Variants in FSCB observed in about 807,000 individuals in gnomAD.
The protein encoded by FSCB is fibrous sheath CABYR-binding protein.
For synonymous variants in FSCB, 331 were observed against 336.6 expected (o/e 0.98, Z 0.18); for missense variants, 975 against 934.8 (o/e 1.04, Z -0.56).
Position 44,504,316 on chromosome 14 carries a change from AT to A in FSCB, c.*193del, listed in dbSNP as rs997815734. The A allele has an allele frequency of 4.6e-6, 2 of 434,916 alleles. No homozygotes were observed. Among genetic ancestry groups the A allele is most frequent in the African/African-American group, 4.1e-5 (2 of 49,098 alleles). The allele number at this position is 434,916 out of a possible 1,614,324, so 26.9% of individuals were successfully genotyped here. On this transcript the variant is annotated 3_prime_UTR_variant, in exon 1 of 1. Coordinates refer to ENST00000340446, the MANE Select transcript of FSCB (RefSeq NM_032135.4). ...AAAATAGGTATTTTTCATGCCATAA[AT>A]TTGAATGAAATTAACACAAGTAATT...
rs755030267 is a variant in FSCB, at chr14:44,506,774, A to G, written c.214T>C (p.Ser72Pro). Residue 72 changes from serine (S) to proline (P), a missense_variant, in exon 1 of 1, where the codon TCT becomes CCT. Transcript: ENST00000340446. ...RKHGQEMTSKSLQTDTIVEEK... is the reference protein window; with the variant it reads ...RKHGQEMTSKPLQTDTIVEEK... ...TCTACAATGGTGTCTGTCTGGAGAG[A>G]CTTACTAGTCATTTCCTGTCCATGC... is the stretch of plus-strand genomic sequence containing the variant. The G allele has an allele frequency of 1.2e-6, 2 of 1,614,004 alleles. No homozygotes were observed. The highest frequency in any genetic ancestry group is 2.2e-5 in the East Asian group (1 of 44,866).
At position 44,506,908 on chromosome 14, in the gene FSCB, G is replaced by A; in HGVS notation, c.80C>T (p.Ala27Val). 1 of 1,611,860 alleles carries A rather than the reference G, an allele frequency of 6.2e-7. No individual in the cohort carries two copies. Residue 27 changes from alanine (A) to valine (V), a missense_variant, in exon 1 of 1, where the codon GCT (alanine) becomes GTT (valine). Physicochemically the swap from Ala to Val is moderately conservative, Grantham distance 64. Coordinates refer to ENST00000340446, the MANE Select transcript of FSCB (RefSeq NM_032135.4). ...MAIPKSSSPKATHRIGNTSGS... is the reference protein window; with the variant it reads ...MAIPKSSSPKVTHRIGNTSGS... ...AGAAGTATTACCAATACGATGGGTA[G>A]CTTTGGGGCTAGATGATTTTGGTAT...
Position 44,506,463 on chromosome 14 carries a change from T to C in FSCB, c.525A>G (p.Thr175=). 2 of 1,614,250 alleles carry C rather than the reference T, an allele frequency of 1.2e-6. No homozygotes were observed. The highest frequency in any genetic ancestry group is 1.7e-6 in the Non-Finnish European group (2 of 1,180,048). The part of the protein sequence containing the change: ...VVISRPDSSS[T]KSKEDALKHK... ...GTTTCAGGGCATCTTCCTTTGACTT[T>C]GTAGAAGAACTATCTGGCCTGGAAA... The change falls in exon 1 of 1, where the codon ACA becomes ACG. Residue 175 remains threonine, a synonymous_variant. Coordinates refer to ENST00000340446, the MANE Select transcript of FSCB (RefSeq NM_032135.4).
chr14:44,506,536 A>G lies in FSCB; in HGVS notation c.452T>C (p.Val151Ala). Residue 151 changes from valine to alanine, a missense_variant, in exon 1 of 1, where the codon GTG (valine) becomes GCG (alanine). Transcript: ENST00000340446. The part of the protein sequence containing the change: ...TMMNIPPVEK[V>A]DKEQQTYFSE... ...AAAGTATGTCTGTTGTTCCTTGTCC[A>G]CTTTTTCTACAGGGGGGATGTTCAT... 1.2e-6 allele frequency: 2 copies of G among 1,614,110 alleles called. No individual in the cohort carries two copies. The highest frequency in any genetic ancestry group is 1.7e-6 in the Non-Finnish European group (2 of 1,180,018).
In FSCB at chr14:44,504,709, A is replaced by C. The variant is rs769068782; in HGVS notation, c.2279T>G (p.Phe760Cys). 1.9e-6 allele frequency: 3 copies of C among 1,614,104 alleles called. No homozygotes were observed. Among genetic ancestry groups the C allele is most frequent in the Non-Finnish European group, 1.7e-6 (2 of 1,180,022 alleles). The part of the protein sequence containing the change: ...EALVENVSTE[F>C]QSPQVAGIPA... Reference sequence around the variant, plus strand: ...AATTCCTGCCACCTGCGGTGACTGAAATTCTGTAGACACATTCTCTACCAG... The same window carrying C: ...AATTCCTGCCACCTGCGGTGACTGACATTCTGTAGACACATTCTCTACCAG... The change falls in exon 1 of 1, where the codon TTT becomes TGT. Residue 760 changes from phenylalanine to cysteine, a missense_variant. Phe to Cys is a radical substitution (Grantham distance 205, BLOSUM62 -2). Transcript: ENST00000340446.
At position 44,507,221 on chromosome 14, in the gene FSCB, A is replaced by G; in HGVS notation, c.-234T>C. 2.3e-6 allele frequency: 1 copy of G among 435,444 alleles called. No homozygotes were observed. Among genetic ancestry groups the G allele is most frequent in the Non-Finnish European group, 4.2e-6 (1 of 238,126 alleles). 27.0% of individuals were successfully genotyped at this position (435,444 alleles called of 1,614,324 possible). On this transcript the variant is annotated 5_prime_UTR_variant, in exon 1 of 1. Transcript: ENST00000340446. ...TTCATAAGCTATTGCATTCCATACT[A>G]CACTCTTGTTGGATCCCACCTTATT...
In FSCB at chr14:44,507,139, C is replaced by T. The variant is rs1881116988; in HGVS notation, c.-152G>A. ...CAAAAATCACAAACGTACCAAGTGT[C>T]AAAGACTTTCCCTTTCTTAGGTGTC... On this transcript the variant is annotated 5_prime_UTR_variant, in exon 1 of 1. Transcript: ENST00000340446. The T allele has an allele frequency of 6.3e-6, 4 of 635,600 alleles. No homozygotes were observed. The East Asian group carries it at 1.1e-4, about 17-fold the overall frequency. 39.4% of individuals were successfully genotyped at this position (635,600 alleles called of 1,614,324 possible). A position where few individuals can be genotyped will look rare whatever the true frequency, so the allele number is the denominator to read the frequency against.
Position 44,506,583 on chromosome 14 carries a change from G to A in FSCB, c.405C>T (p.Ser135=). 1 of 1,614,122 alleles carries A rather than the reference G, an allele frequency of 6.2e-7. No individual in the cohort carries two copies. Among genetic ancestry groups the A allele is most frequent in the South Asian group, 1.1e-5 (1 of 91,076 alleles). Residue 135 remains serine (S), a synonymous_variant, in exon 1 of 1, where the codon AGC becomes AGT. Coordinates refer to ENST00000340446, the MANE Select transcript of FSCB (RefSeq NM_032135.4). The part of the protein sequence containing the change: ...QLKMDRSQQT[S]RTGYWTMMNI... Reference sequence around the variant, plus strand: ...TCATCATGGTCCAGTATCCTGTACGGCTGGTCTGCTGAGATCTGTCCATTT... The same window carrying A: ...TCATCATGGTCCAGTATCCTGTACGACTGGTCTGCTGAGATCTGTCCATTT...
Position 44,507,103 on chromosome 14 carries a change from C to T in FSCB, c.-116G>A, listed in dbSNP as rs1881115348. 6.1e-6 allele frequency: 5 copies of T among 820,762 alleles called. No individual in the cohort carries two copies. The highest frequency in any genetic ancestry group is 9.6e-6 in the Non-Finnish European group (5 of 523,202). 50.8% of individuals were successfully genotyped at this position (820,762 alleles called of 1,614,324 possible). A position where few individuals can be genotyped will look rare whatever the true frequency, so the allele number is the denominator to read the frequency against. Reference sequence around the variant, plus strand: ...TAGTGATTTCAAACTTATTAATTTTCAAGTAATGACCAAAAATCACAAACG... The same window carrying T: ...TAGTGATTTCAAACTTATTAATTTTTAAGTAATGACCAAAAATCACAAACG... On this transcript the variant is annotated 5_prime_UTR_variant, in exon 1 of 1. Transcript: ENST00000340446.
rs1334914573 is a variant in FSCB, at chr14:44,507,023, G to A, written c.-36C>T. Reference sequence around the variant, plus strand: ...GGTCATCTTCTCTTTCGAATTTCTTGCCTACACGCTGAGATAGGCTGATTA... The same window carrying A: ...GGTCATCTTCTCTTTCGAATTTCTTACCTACACGCTGAGATAGGCTGATTA... On this transcript the variant is annotated 5_prime_UTR_variant, in exon 1 of 1. An upstream open reading frame in the 5' UTR gains an earlier in-frame stop. Transcript: ENST00000340446. The A allele has an allele frequency of 1.3e-6, 2 of 1,483,682 alleles. No individual in the cohort carries two copies. Among genetic ancestry groups the A allele is most frequent in the African/African-American group, 2.8e-5 (2 of 71,514 alleles). The allele number at this position is 1,483,682 out of a possible 1,614,324, so 91.9% of individuals were successfully genotyped here. A position where few individuals can be genotyped will look rare whatever the true frequency, so the allele number is the denominator to read the frequency against.
At position 44,504,776 on chromosome 14, in the gene FSCB, C is replaced by A. The variant is rs374410455; in HGVS notation, c.2212G>T (p.Val738Phe). ...GTTTGTTCAGATGGTGGAGGTGAAA[C>A]TTCAGCAGAGGCCTCTCCTATAGGA... ...EFPIGEASAE[V>F]SPPPSEQTPE... is the part of the protein sequence containing the mutation. The change falls in exon 1 of 1, where the codon GTT becomes TTT. Residue 738 changes from valine to phenylalanine, a missense_variant. By Grantham distance (50) the Val-to-Phe change is conservative. Coordinates refer to ENST00000340446, the MANE Select transcript of FSCB (RefSeq NM_032135.4). 1 of 1,614,226 alleles carries A rather than the reference C, an allele frequency of 6.2e-7. No individual in the cohort carries two copies. The highest frequency in any genetic ancestry group is 8.5e-7 in the Non-Finnish European group (1 of 1,180,044).
chr14:44,506,154 A>G lies in FSCB; in HGVS notation c.834T>C (p.Thr278=). The G allele has an allele frequency of 1.2e-6, 2 of 1,614,128 alleles. No homozygotes were observed. Among genetic ancestry groups the G allele is most frequent in the South Asian group, 1.1e-5 (1 of 91,074 alleles). Residue 278 remains threonine, a synonymous_variant, in exon 1 of 1, where the codon ACT becomes ACC. Coordinates refer to ENST00000340446, the MANE Select transcript of FSCB (RefSeq NM_032135.4). ...CAGCAGGTCTGGGCTCCGCTTTAGC[A>G]GTGGCCTCTTCAACTAATGGAGGCT... The part of the protein sequence containing the change: ...KIQPPLVEEA[T]AKAEPRPAEE...
rs374629243 is a variant in FSCB at position 44,506,948 on chromosome 14, T to C, written c.40A>G (p.Lys14Glu). ...GATTTTGGTATGGCCATGTGTTTCT[T>C]TTTCTCTATTACATCAGTTTGCTGG... ...KSQQTDVIEK[K>E]KHMAIPKSSS... The change falls in exon 1 of 1, where the codon AAG (lysine) becomes GAG (glutamate). Residue 14 changes from lysine to glutamate, a missense_variant. Coordinates refer to ENST00000340446, the MANE Select transcript of FSCB (RefSeq NM_032135.4). 1 of 1,596,746 alleles carries C rather than the reference T, an allele frequency of 6.3e-7. No individual in the cohort carries two copies. Among genetic ancestry groups the C allele is most frequent in the African/African-American group, 1.3e-5 (1 of 74,348 alleles).
In FSCB at chr14:44,506,107, T is replaced by C; in HGVS notation, c.881A>G (p.Gln294Arg). ...ATCAGGAGTCTCTTCAGTTGATGGC[T>C]GTACTTGGACATGGGTCTCTTCAGC... ...RPAEETHVQV[Q>R]PSTEETPDAE... The change falls in exon 1 of 1, where the codon CAG (glutamine) becomes CGG (arginine). Residue 294 changes from glutamine to arginine, a missense_variant. Physicochemically the swap from Gln to Arg is conservative, Grantham distance 43. Transcript: ENST00000340446. The C allele has an allele frequency of 6.2e-7, 1 of 1,614,148 alleles. No homozygotes were observed. The highest frequency in any genetic ancestry group is 1.1e-5 in the South Asian group (1 of 91,076).
In FSCB at chr14:44,504,988, G is replaced by A; in HGVS notation, c.2000C>T (p.Pro667Leu). ...EVQPPPAEEA[P>L]AEVQPPPAEE... is the part of the protein sequence containing the mutation. The stretch of plus-strand genomic sequence containing the variant: ...AGCTGGTGGAGGCTGAACTTCAGCG[G>A]GGGCCTCCTCAGCTGGTGGAGGCTG... Residue 667 changes from proline to leucine, a missense_variant, in exon 1 of 1, where the codon CCC (proline) becomes CTC (leucine). Physicochemically the swap from Pro to Leu is moderately conservative, Grantham distance 98 (BLOSUM62 -3). Transcript: ENST00000340446. The A allele has an allele frequency of 6.3e-7, 1 of 1,586,366 alleles. No individual in the cohort carries two copies.
rs199650724 is a variant in FSCB at position 44,506,089 on chromosome 14, G to A, written c.899C>T (p.Thr300Ile). 1 of 1,614,038 alleles carries A rather than the reference G, an allele frequency of 6.2e-7. No homozygotes were observed. Among genetic ancestry groups the A allele is most frequent in the Non-Finnish European group, 8.5e-7 (1 of 1,180,026 alleles). The stretch of plus-strand genomic sequence containing the variant: ...TGCAGTGGCTGCCTCAGCATCAGGA[G>A]TCTCTTCAGTTGATGGCTGTACTTG... ...HVQVQPSTEE[T>I]PDAEAATAVA... The change falls in exon 1 of 1, where the codon ACT becomes ATT. Residue 300 changes from threonine to isoleucine, a missense_variant. Coordinates refer to ENST00000340446, the MANE Select transcript of FSCB (RefSeq NM_032135.4).
chr14:44,506,545 A>G lies in FSCB; in HGVS notation c.443T>C (p.Val148Ala). Reference protein sequence around the residue: ...GYWTMMNIPPVEKVDKEQQTY... With the variant: ...GYWTMMNIPPAEKVDKEQQTY... The stretch of plus-strand genomic sequence containing the variant: ...CTGTTGTTCCTTGTCCACTTTTTCT[A>G]CAGGGGGGATGTTCATCATGGTCCA... Residue 148 changes from valine (V) to alanine (A), a missense_variant, in exon 1 of 1, where the codon GTA becomes GCA. Val to Ala is a moderately conservative substitution (Grantham distance 64). Coordinates refer to ENST00000340446, the MANE Select transcript of FSCB (RefSeq NM_032135.4). The G allele has an allele frequency of 6.2e-7, 1 of 1,614,070 alleles. No homozygotes were observed. The highest frequency in any genetic ancestry group is 1.3e-5 in the African/African-American group (1 of 75,012).
Position 44,505,813 on chromosome 14 carries a change from G to A in FSCB, c.1175C>T (p.Ala392Val), listed in dbSNP as rs1310111413. Residue 392 changes from alanine to valine, a missense_variant, in exon 1 of 1, where the codon GCT becomes GTT. Transcript: ENST00000340446. ...GEIRSPSAQK[A>V]PIEVQPLPAE... ...TGGTAAAGGCTGTACTTCAATGGGA[G>A]CCTTTTGTGCTGAGGGAGACCGAAT... is the stretch of plus-strand genomic sequence containing the variant. 3.1e-6 allele frequency: 5 copies of A among 1,613,980 alleles called. No individual in the cohort carries two copies. The highest frequency in any genetic ancestry group is 2.7e-5 in the African/African-American group (2 of 74,888).
In FSCB at chr14:44,505,529, T is replaced by A. The variant is rs771970244; in HGVS notation, c.1459A>T (p.Thr487Ser). 2 of 1,609,722 alleles carry A rather than the reference T, an allele frequency of 1.2e-6. No homozygotes were observed. Among genetic ancestry groups the A allele is most frequent in the Non-Finnish European group, 1.7e-6 (2 of 1,179,234 alleles). Residue 487 changes from threonine to serine, a missense_variant, in exon 1 of 1, where the codon ACT becomes TCT. By Grantham distance (58) the Thr-to-Ser change is moderately conservative (BLOSUM62 1). Transcript: ENST00000340446. ...LAATEPPADE[T>S]PAEARSPLSE... ...AGTGGAGACCGAGCTTCGGCAGGAG[T>A]TTCATCTGCAGGAGGCTCCGTAGCT...
Sources: allele counts gnomAD v4.1 joint callset, GRCh38; gene constraint gnomAD v4.1.1; transcripts MANE v1.5; gene names NCBI Gene and HGNC (gene_info 2026-07-23, HGNC 2026-07-21).